FOXP1: variants seen among roughly 807,000 people sequenced by gnomAD.
FOXP1 encodes forkhead box protein P1.
Under a neutral mutation model 98.2 loss-of-function variants are expected in FOXP1, and 15 were observed. The ratio of observed to expected loss-of-function variants is 0.15; its 90% CI spans 0.10 to 0.24. FOXP1 has a LOEUF of 0.24. Ranked by LOEUF, FOXP1 falls within the 10% of genes least tolerant of loss-of-function variation. The pLI is 1.00. For missense variants in FOXP1, 633 were observed against 848.5 expected (o/e 0.75, Z 3.15); for synonymous variants, 371 against 314.5 (o/e 1.18, Z -1.90).
intron 5 of FOXP1, among the ~76,000 whole-genome samples, chr3:71,262,832 T>C (rs1228255774): frequency 6.6e-6 from 1 of 152,218 alleles, no homozygotes; most frequent in African/African-American, 2.4e-5. Flanking sequence ...ACCTTTCAAG[T>C]GTTCTCTCTG....
intron 6 of FOXP1, among the ~76,000 whole-genome samples, chr3:71,182,540 G>GTA (rs2062387668): frequency 8.5e-6 from 1 of 117,582 alleles, no homozygotes; most frequent in African/African-American, 2.9e-5. Flanking sequence ...GTGTATATAT[G>GTA]TATATATTCT....
chr3:71,051,904 G>A (rs1185213256), intron 9 of FOXP1, among the ~76,000 whole-genome samples: 2 of 152,152 alleles, frequency 1.3e-5, no homozygotes, highest in African/African-American at 2.4e-5. Flanking sequence ...ACCAAGCGTG[G>A]TGCATATAGA....
chr3:71,268,384 C>G (rs554741217), intron 5 of FOXP1, among the ~76,000 whole-genome samples: 1 of 151,942 alleles, frequency 6.6e-6, no homozygotes, highest in Non-Finnish European at 1.5e-5. Context: ...AATGTATTTC[C>G]GAGATTCCAA....
intron 5 of FOXP1, among the ~76,000 whole-genome samples, chr3:71,279,008 A>G (rs1198552297): frequency 1.3e-5 from 2 of 151,900 alleles, no homozygotes; most frequent in African/African-American, 4.8e-5. Flanking sequence ...CCTGGCCAAC[A>G]TGGCGAAACT....
chr3:70,981,387 C>G lies in FOXP1; in HGVS notation c.1147-3358G>C, dbSNP rs568573855. Among the ~76,000 whole-genome samples the G allele has an allele frequency of 4.6e-4, 70 of 152,116 alleles. No individual in the cohort carries two copies. In the South Asian group the frequency reaches 0.011, roughly 25 times the overall value. On this transcript the variant is annotated intron_variant, in intron 14 of 20. Coordinates refer to ENST00000649528, the MANE Select transcript of FOXP1 (RefSeq NM_001349338.3). ...TTGACAAATGACACCGTGATTCACA[C>G]CCACTGCTGGGCTGTCTCTAATAAG...
In FOXP1 at chr3:70,959,295, G is replaced by T. The variant is rs776469093; in HGVS notation, c.1986C>A (p.Asp662Glu). 22 of 1,613,920 alleles carry T rather than the reference G, an allele frequency of 1.4e-5. No homozygotes were observed. The South Asian group carries it at 2.4e-4, about 18-fold the overall frequency. Reference sequence around the variant, plus strand: ...GTTCATCTTCGTAATCTCTGTCATGGTCAAAATCTGGACTGTGGTTGGCTG... The same window carrying T: ...GTTCATCTTCGTAATCTCTGTCATGTTCAAAATCTGGACTGTGGTTGGCTG... ...VTTANHSPDF[D>E]HDRDYEDEPV... Residue 662 changes from aspartate (D) to glutamate (E), a missense_variant, in exon 21 of 21, where the codon GAC becomes GAA. Coordinates refer to ENST00000649528, the MANE Select transcript of FOXP1 (RefSeq NM_001349338.3).
chr3:71,192,490 G>A (rs1201641797), intron 6 of FOXP1, among the ~76,000 whole-genome samples: 1 of 152,196 alleles, frequency 6.6e-6, no homozygotes, highest in Non-Finnish European at 1.5e-5. Context: ...TTTCTTGCAG[G>A]CATTGTTTCT....
chr3:71,176,030 A>G (rs2061921129), intron 6 of FOXP1, among the ~76,000 whole-genome samples: 1 of 152,246 alleles, frequency 6.6e-6, no homozygotes, highest in Non-Finnish European at 1.5e-5. Context: ...GGCAACTTCA[A>G]AAGGACTAAC....
intron 2 of FOXP1, among the ~76,000 whole-genome samples, chr3:71,532,153 G>A (rs575991147): frequency 6.6e-6 from 1 of 152,166 alleles, no homozygotes; most frequent in East Asian, 1.9e-4. Flanking sequence ...AGACTGGTGT[G>A]CAGTGGCGTG....
At chr3:71,125,908 A>T (rs1485398820) in intron 6 of FOXP1, among the ~76,000 whole-genome samples, 1 of 152,182 alleles carries the variant, frequency 6.6e-6, no homozygotes, top group African/African-American at 2.4e-5. Flanking sequence ...GTGACCTGAG[A>T]CAAGTTACTT....
intron 7 of FOXP1, among the ~76,000 whole-genome samples, chr3:71,090,677 C>T (rs563740790): frequency 2.0e-5 from 3 of 152,272 alleles, no homozygotes; most frequent in African/African-American, 7.2e-5. Flanking sequence ...AGGAGGGGGT[C>T]AGAGTGGGGA....
intron 6 of FOXP1, among the ~76,000 whole-genome samples, chr3:71,140,513 T>A (rs1027962934): frequency 6.6e-6 from 1 of 152,228 alleles, no homozygotes; most frequent in Admixed American, 6.5e-5. Flanking sequence ...CACACCAGAT[T>A]TGCAGTCATA....
chr3:71,359,738 G>A (rs894151535), intron 3 of FOXP1, among the ~76,000 whole-genome samples: 6 of 151,992 alleles, frequency 3.9e-5, no homozygotes, highest in Non-Finnish European at 8.8e-5. Context: ...TTAGTAGGCC[G>A]GCTGGTCTCA....
At chr3:71,100,904 A>G (rs557772007) in intron 7 of FOXP1, among the ~76,000 whole-genome samples, 1 of 152,272 alleles carries the variant, frequency 6.6e-6, no homozygotes, top group South Asian at 2.1e-4. Flanking sequence ...GAGACATGGT[A>G]TGATACATAA....
chr3:71,433,728 C>T (rs1401497976), intron 3 of FOXP1, among the ~76,000 whole-genome samples: 1 of 152,172 alleles, frequency 6.6e-6, no homozygotes, highest in Non-Finnish European at 1.5e-5. Context: ...TTCTGTTACT[C>T]GGGAGAGCAG....
intron 5 of FOXP1, among the ~76,000 whole-genome samples, chr3:71,257,226 G>T (rs570706797): frequency 7.9e-5 from 12 of 152,152 alleles, no homozygotes; most frequent in Admixed American, 7.9e-4. Flanking sequence ...GGCTGAACCT[G>T]CAAGTCAGGA....
At chr3:71,284,389 A>C (rs1560240005) in intron 5 of FOXP1, among the ~76,000 whole-genome samples, 1 of 152,154 alleles carries the variant, frequency 6.6e-6, no homozygotes, top group Non-Finnish European at 1.5e-5. Context: ...ACATGGCAGA[A>C]ACCCGTCTCT....
intron 6 of FOXP1, among the ~76,000 whole-genome samples, chr3:71,159,164 CATGAAA>C (rs1231805701): frequency 6.9e-6 from 1 of 145,156 alleles, no homozygotes; most frequent in East Asian, 2.1e-4. Context: ...AAAAACAACG[CATGAAA>C]ATCAGCAGAA....
intron 3 of FOXP1, among the ~76,000 whole-genome samples, chr3:71,475,903 GAA>G (rs11329852): frequency 0.075 from 10,138 of 135,566 alleles, 458 homozygotes; most frequent in Non-Finnish European, 0.1. Context: ...CTCTTCAAGG[GAA>G]AAAAAAAAAA....
Sources: gnomAD v4.1 joint callset for allele counts (sites outside exome capture counted in the v4.1 genomes callset) on GRCh38, gnomAD v4.1.1 for gene constraint, MANE v1.5 for transcripts, NCBI Gene and HGNC (gene_info 2026-07-23, HGNC 2026-07-21) for gene names.